The following SCHIP1 variants were observed in gnomAD, a reference collection of about 807,000 sequenced individuals.
SCHIP1 encodes schwannomin-interacting protein 1.
In SCHIP1, 8 loss-of-function variants were observed where a neutral mutation model predicts 29.7. The ratio of observed to expected loss-of-function variants is 0.27; its 90% confidence interval spans 0.16 to 0.49. SCHIP1 has a LOEUF of 0.49. SCHIP1 is among the 20% of genes least tolerant of loss of function. The probability of loss-of-function intolerance (pLI) is 0.99; values close to 1 mark genes in which losing one functional copy is unlikely to be tolerated. For missense variants in SCHIP1, 193 were observed against 294.6 expected (o/e 0.66, Z 2.52); for synonymous variants, 76 against 94.9 (o/e 0.80, Z 1.16).
At chr3:159,884,316 C>A (rs1716739529) in intron 2 of SCHIP1, among the ~76,000 whole-genome samples, 1 of 150,038 alleles carries the variant, frequency 6.7e-6, no homozygotes, top group East Asian at 2.0e-4. Context: ...TATTAGATTT[C>A]TCCAGGAAAA....
chr3:159,638,484 C>T, the SCHIP1 span, among the ~76,000 whole-genome samples: 1 of 152,056 alleles, frequency 6.6e-6, no homozygotes, highest in Non-Finnish European at 1.5e-5. Context: ...CTAGCAAGGG[C>T]TGCTCATTCA....
At chr3:159,895,124 G>A (rs181962412) in intron 6 of SCHIP1, among the ~76,000 whole-genome samples, 1 of 152,330 alleles carries the variant, frequency 6.6e-6, no homozygotes, top group Non-Finnish European at 1.5e-5. Flanking sequence ...TCACGAAAAT[G>A]TTTGATTCTT....
the SCHIP1 span, among the ~76,000 whole-genome samples, chr3:159,790,374 G>A: frequency 1.3e-5 from 2 of 152,216 alleles, no homozygotes; most frequent in African/African-American, 2.4e-5. Flanking sequence ...AATAATTTGA[G>A]TGAAGTTACA....
At chr3:159,284,607 G>C in the SCHIP1 span, among the ~76,000 whole-genome samples, 1 of 152,114 alleles carries the variant, frequency 6.6e-6, no homozygotes, top group African/African-American at 2.4e-5. Context: ...TCCTGCCTCA[G>C]CCTTCTGAGT....
chr3:159,694,784 T>C, the SCHIP1 span, among the ~76,000 whole-genome samples: 29 of 152,296 alleles, frequency 1.9e-4, no homozygotes, highest in Admixed American at 6.5e-4. Context: ...TCAGCTCAAT[T>C]TGCCTTAAAA....
At chr3:159,638,414 C>A in the SCHIP1 span, among the ~76,000 whole-genome samples, 1 of 152,124 alleles carries the variant, frequency 6.6e-6, no homozygotes, top group African/African-American at 2.4e-5. Context: ...GAGTCATAAT[C>A]GTATTTCTCC....
At chr3:159,308,615 A>G in the SCHIP1 span, among the ~76,000 whole-genome samples, 1 of 152,202 alleles carries the variant, frequency 6.6e-6, no homozygotes, top group East Asian at 1.9e-4. Context: ...GATTTCTCAA[A>G]GAACTTAAAA....
the SCHIP1 span, among the ~76,000 whole-genome samples, chr3:159,651,529 A>G: frequency 2.0e-5 from 3 of 152,172 alleles, no homozygotes; most frequent in Non-Finnish European, 4.4e-5. Flanking sequence ...TATTACTAAC[A>G]ATATAGTTGT....
chr3:159,564,908 C>T, the SCHIP1 span, among the ~76,000 whole-genome samples: 1 of 152,114 alleles, frequency 6.6e-6, no homozygotes, highest in Non-Finnish European at 1.5e-5. Flanking sequence ...GTGAATAGTG[C>T]TGACATGAAT....
the SCHIP1 span, among the ~76,000 whole-genome samples, chr3:159,372,021 A>G: frequency 6.6e-6 from 1 of 152,174 alleles, no homozygotes; most frequent in Non-Finnish European, 1.5e-5. Context: ...CAACTTTGTG[A>G]CAAAAGACAA....
At chr3:159,373,921 C>A in the SCHIP1 span, among the ~76,000 whole-genome samples, 2 of 152,154 alleles carry the variant, frequency 1.3e-5, no homozygotes, top group African/African-American at 4.8e-5. Context: ...TACTACATAT[C>A]TTTTTGGGTA....
chr3:159,496,818 C>A, the SCHIP1 span, among the ~76,000 whole-genome samples: 20 of 152,164 alleles, frequency 1.3e-4, no homozygotes, highest in Admixed American at 9.2e-4. Context: ...ATGTTTATTG[C>A]GGCACTATTC....
At chr3:159,811,970 T>G in the SCHIP1 span, among the ~76,000 whole-genome samples, 13,344 of 92,848 alleles carry the variant, frequency 0.14, 774 homozygotes, top group Non-Finnish European at 0.17. Flanking sequence ...TTTTTTTTGT[T>G]TTTGTTTTTG....
At chr3:159,687,776 G>A in the SCHIP1 span, among the ~76,000 whole-genome samples, 1 of 152,112 alleles carries the variant, frequency 6.6e-6, no homozygotes, top group Non-Finnish European at 1.5e-5. Context: ...ACAAGCCCCA[G>A]TGTGTGATGT....
the SCHIP1 span, among the ~76,000 whole-genome samples, chr3:159,434,947 TG>T: frequency 6.6e-6 from 1 of 152,126 alleles, no homozygotes; most frequent in African/African-American, 2.4e-5. Context: ...AGGTGGTCCT[TG>T]AGGGTCCATT....
chr3:159,399,622 GA>G, the SCHIP1 span, among the ~76,000 whole-genome samples: 2 of 152,134 alleles, frequency 1.3e-5, no homozygotes, highest in African/African-American at 4.8e-5. Context: ...CAATGCAACA[GA>G]TTCTTAGAGT....
chr3:159,734,169 G>A, the SCHIP1 span, among the ~76,000 whole-genome samples: 97 of 130,206 alleles, frequency 7.4e-4, no homozygotes, highest in African/African-American at 2.6e-3. Flanking sequence ...GTGAGAGGGA[G>A]TCTTGCTCTG....
At chr3:159,493,859 ACTC>A in the SCHIP1 span, among the ~76,000 whole-genome samples, 1 of 152,064 alleles carries the variant, frequency 6.6e-6, no homozygotes, top group African/African-American at 2.4e-5. Flanking sequence ...GAAGTAAAGC[ACTC>A]CTCAGCAAAT....
chr3:159,566,239 G>A, the SCHIP1 span, among the ~76,000 whole-genome samples: 1 of 152,162 alleles, frequency 6.6e-6, no homozygotes, highest in Non-Finnish European at 1.5e-5. Flanking sequence ...TTTCCTCTCA[G>A]TGCACAAATA....
Sources: allele counts gnomAD v4.1 joint callset (sites outside exome capture counted in the v4.1 genomes callset), GRCh38; gene constraint gnomAD v4.1.1; transcripts MANE v1.5; gene names NCBI Gene and HGNC (gene_info 2026-07-23, HGNC 2026-07-21).